The following TOX2 variants were observed in gnomAD, a reference collection of about 807,000 sequenced individuals.
TOX2 encodes TOX high mobility group box family member 2.
A neutral mutation model predicts 47.4 loss-of-function variants in TOX2; 15 were observed. That is an observed-to-expected ratio of 0.32 (90% CI 0.21 to 0.49). The LOEUF (loss-of-function observed/expected upper bound fraction) is 0.49, where lower values mean the gene tolerates loss of function less well. Among genes scored for constraint, TOX2 ranks in the 20% least tolerant of loss-of-function variants. The probability of loss-of-function intolerance (pLI) is 0.99; values close to 1 mark genes in which losing one functional copy is unlikely to be tolerated. For synonymous variants in TOX2, 290 were observed against 296.6 expected, an observed-to-expected ratio of 0.98 and a Z score of 0.23; for missense variants, 622 against 673.1, an observed-to-expected ratio of 0.92 and a Z score of 0.84.
intron 1 of TOX2, among the ~76,000 whole-genome samples, chr20:43,944,723 G>C (rs554814437): frequency 6.6e-6 from 1 of 152,182 alleles, no homozygotes; most frequent in Non-Finnish European, 1.5e-5. Context: ...TCAGCTCTGT[G>C]GTGCTTCCTC....
intron 3 of TOX2, among the ~76,000 whole-genome samples, chr20:44,046,259 C>T (rs1021011052): frequency 6.6e-6 from 1 of 152,106 alleles, no homozygotes; most frequent in African/African-American, 2.4e-5. Context: ...AAGGAGAAGC[C>T]ACAGTAAAGA....
At chr20:43,977,999 T>C (rs2070110894) in intron 2 of TOX2, among the ~76,000 whole-genome samples, 1 of 152,160 alleles carries the variant, frequency 6.6e-6, no homozygotes, top group South Asian at 2.1e-4. Flanking sequence ...GATTTCCTTA[T>C]GCAAGTGATA....
intron 2 of TOX2, among the ~76,000 whole-genome samples, chr20:43,988,858 C>T (rs2145538229): frequency 6.6e-6 from 1 of 152,322 alleles, no homozygotes; most frequent in African/African-American, 2.4e-5. Flanking sequence ...GTGGATTTAT[C>T]TGCAGTTTGG....
At chr20:43,922,068 C>A (rs1396601355) in intron 1 of TOX2, among the ~76,000 whole-genome samples, 2 of 152,128 alleles carry the variant, frequency 1.3e-5, no homozygotes, top group Non-Finnish European at 1.5e-5. Flanking sequence ...GGGCAGGTGA[C>A]CTCATGCACA....
intron 3 of TOX2, among the ~76,000 whole-genome samples, chr20:44,050,838 GAGGTT>G (rs1432151491): frequency 7.2e-5 from 11 of 152,192 alleles, no homozygotes; most frequent in South Asian, 2.1e-4. Context: ...GAGGCACAAA[GAGGTT>G]AGGTAACTTG....
chr20:43,989,314 G>A (rs918970041), intron 2 of TOX2, among the ~76,000 whole-genome samples: 5 of 152,232 alleles, frequency 3.3e-5, no homozygotes, highest in African/African-American at 4.8e-5. Flanking sequence ...ACCCTGAGGA[G>A]CAGTTAGAGA....
intron 1 of TOX2, among the ~76,000 whole-genome samples, chr20:43,923,475 G>A (rs564378810): frequency 2.0e-5 from 3 of 152,346 alleles, no homozygotes; most frequent in Admixed American, 1.3e-4. Flanking sequence ...GACTCAGCAG[G>A]CCTGGGGAGG....
intron 3 of TOX2, among the ~76,000 whole-genome samples, chr20:44,017,837 A>G (rs547014409): frequency 5.3e-5 from 8 of 152,172 alleles, no homozygotes; most frequent in Non-Finnish European, 1.0e-4. Context: ...GGTGCCAGGA[A>G]TTGAACCCAG....
chr20:44,040,423 G>A (rs571711337), intron 3 of TOX2, among the ~76,000 whole-genome samples: 44 of 152,256 alleles, frequency 2.9e-4, no homozygotes, highest in Middle Eastern at 6.8e-3. Flanking sequence ...GCTGGGAGGG[G>A]AGGCAGCAGG....
intron 3 of TOX2, among the ~76,000 whole-genome samples, chr20:44,037,625 T>A (rs1238532331): frequency 6.6e-6 from 1 of 152,196 alleles, no homozygotes; most frequent in Non-Finnish European, 1.5e-5. Flanking sequence ...TGTTGGTGAC[T>A]CTTCTAGCAT....
chr20:43,935,724 G>T (rs955116974), intron 1 of TOX2, among the ~76,000 whole-genome samples: 1 of 151,858 alleles, frequency 6.6e-6, no homozygotes, highest in Admixed American at 6.6e-5. Context: ...TCAGGAGTTC[G>T]AGACCAGCCT....
At position 44,066,777 on chromosome 20, in the gene TOX2, A is replaced by G. The variant is rs1250767766; in HGVS notation, c.1404A>G (p.Ser468=). The G allele has an allele frequency of 1.9e-6, 3 of 1,613,952 alleles. No homozygotes were observed. Among genetic ancestry groups the G allele is most frequent in the African/African-American group, 2.7e-5 (2 of 74,878 alleles). The part of the protein sequence containing the change: ...SEFPSSSGSC[S]PGPSNPTSSG... ...TCCCCAGCAGCTCGGGATCCTGCTC[A>G]CCTGGCCCATCCAACCCCACCAGCA... The change falls in exon 8 of 9, where the codon TCA becomes TCG. Residue 468 remains serine, a synonymous_variant. Transcript: ENST00000341197.
rs1185594426 is a variant in TOX2 at position 43,915,517 on chromosome 20, A to T, written c.99+527A>T. On this transcript the variant is annotated intron_variant, in intron 1 of 8. Coordinates refer to ENST00000341197, the MANE Select transcript of TOX2 (RefSeq NM_001098797.2). The surrounding 1 kb of genome is among the most constrained non-coding windows in gnomAD (Gnocchi z 7.1). Reference sequence around the variant, plus strand: ...GCCCGACAGTCACACTCTCGCAGCCACAACGCCTCACCCAGGCGCACGCTG... The same window carrying T: ...GCCCGACAGTCACACTCTCGCAGCCTCAACGCCTCACCCAGGCGCACGCTG... Among the ~76,000 whole-genome samples the T allele has an allele frequency of 1.3e-5, 2 of 152,114 alleles. No homozygotes were observed. Among genetic ancestry groups the T allele is most frequent in the East Asian group, 3.8e-4 (2 of 5,196 alleles).
intron 3 of TOX2, among the ~76,000 whole-genome samples, chr20:44,035,225 TCGATG>T (rs2071220315): frequency 6.6e-6 from 1 of 152,202 alleles, no homozygotes; most frequent in Admixed American, 6.5e-5. Context: ...TGAAATCCCT[TCGATG>T]GCTCCCCATG....
At chr20:43,927,612 C>CCTT (rs1205605409) in intron 1 of TOX2, among the ~76,000 whole-genome samples, 1 of 75,012 alleles carries the variant, frequency 1.3e-5, no homozygotes, top group Non-Finnish European at 2.1e-5. Flanking sequence ...TTCCTTCCTT[C>CCTT]CTTCCTTCCT....
Position 43,925,376 on chromosome 20 carries a change from G to A in TOX2, c.99+10386G>A, listed in dbSNP as rs907039375. Among the ~76,000 whole-genome samples the A allele has an allele frequency of 3.9e-5, 6 of 152,160 alleles. 1 individual carries two copies. Among genetic ancestry groups the A allele is most frequent in the Non-Finnish European group, 8.8e-5 (6 of 68,034 alleles). ...GCTCTGTGTGTGGTGTGTGAGTGCA[G>A]ACTCTATTGCGGTGTGGGATGAGCC... On this transcript the variant is annotated intron_variant, in intron 1 of 8. Transcript: ENST00000341197.
At chr20:43,963,535 A>C (rs2069798577) in intron 1 of TOX2, among the ~76,000 whole-genome samples, 1 of 152,168 alleles carries the variant, frequency 6.6e-6, no homozygotes, top group African/African-American at 2.4e-5. Flanking sequence ...AGCAGCCTGG[A>C]CTTCAGACTC....
chr20:43,945,100 T>C (rs2069447716), intron 1 of TOX2, among the ~76,000 whole-genome samples: 1 of 152,212 alleles, frequency 6.6e-6, no homozygotes, highest in Non-Finnish European at 1.5e-5. Flanking sequence ...GGGGAGGTTC[T>C]TATTTTTTTG....
At chr20:44,051,578 G>A in intron 4 of TOX2, 33 bp downstream of exon 4, 1 of 1,534,346 alleles carries the variant, frequency 6.5e-7, no homozygotes, top group African/African-American at 1.4e-5. Flanking sequence ...GCCTGAAGCT[G>A]CCCTCCTGTC....
Sources: allele counts gnomAD v4.1 joint callset (sites outside exome capture counted in the v4.1 genomes callset), GRCh38; gene constraint gnomAD v4.1.1; non-coding constraint Gnocchi (gnomAD v3.1); transcripts MANE v1.5; gene names NCBI Gene and HGNC (gene_info 2026-07-23, HGNC 2026-07-21).